The following ZNF592 variants were observed in gnomAD, a reference collection of about 807,000 sequenced individuals.
The protein encoded by ZNF592 is zinc finger protein 592, also known as spinocerebellar ataxia, autosomal recessive 5.
ZNF592 carries 11 observed loss-of-function variants against 80.3 expected under a neutral mutation model. The observed-to-expected ratio is 0.14, with a 90% confidence interval of 0.09 to 0.23. The LOEUF is 0.23. Among genes scored for constraint, ZNF592 ranks in the 10% least tolerant of loss-of-function variants. ZNF592 has a pLI of 1.00. For missense variants in ZNF592, 1,420 were observed against 1,633.9 expected (o/e 0.87, Z 2.26); for synonymous variants, 646 against 640.3 (o/e 1.01, Z -0.13).
rs374056264 is a variant in ZNF592, at chr15:84,784,856, T to C, written c.2181T>C (p.Ala727=). 1.4e-5 allele frequency: 23 copies of C among 1,614,138 alleles called. No homozygotes were observed. The African/African-American group carries it at 2.9e-4, about 21-fold the overall frequency. ...HKQMRDYMVL[A]AHFQRTTEET... ...AGATGCGGGACTACATGGTCCTGGCTGCACATTTCCAGAGGACAACAGAGG... is the reference window on the plus strand; with the variant it reads ...AGATGCGGGACTACATGGTCCTGGCCGCACATTTCCAGAGGACAACAGAGG... Residue 727 remains alanine, a synonymous_variant, in exon 4 of 11, where the codon GCT becomes GCC. Transcript: ENST00000560079. This position sits in a 1 kb window ranked among gnomAD's most constrained non-coding sequence, Gnocchi z 5.8.
In ZNF592 at chr15:84,782,644, G is replaced by T; in HGVS notation, c.-19-13G>T. 6.2e-7 allele frequency: 1 copy of T among 1,613,666 alleles called. No individual in the cohort carries two copies. The highest frequency in any genetic ancestry group is 1.3e-5 in the African/African-American group (1 of 75,008). On this transcript the variant is annotated splice_polypyrimidine_tract_variant and intron_variant, in intron 3 of 10. Coordinates refer to ENST00000560079, the MANE Select transcript of ZNF592 (RefSeq NM_014630.3). ...CTGGTGGTCACTGATTCTGTTTTCT[G>T]TTTCTGTTACAGCCCTTGCCAGCAT...
At chr15:84,758,313 C>T (rs183324219) in intron 1 of ZNF592, among the ~76,000 whole-genome samples, 15 of 151,024 alleles carry the variant, frequency 9.9e-5, no homozygotes, top group Admixed American at 4.0e-4. Flanking sequence ...GAGACCGTCT[C>T]GCTCTGTTGT....
intron 1 of ZNF592, among the ~76,000 whole-genome samples, chr15:84,750,689 T>G (rs1458699080): frequency 6.6e-6 from 1 of 152,118 alleles, no homozygotes; most frequent in Non-Finnish European, 1.5e-5. Flanking sequence ...GAGACCGATT[T>G]GAGTTGGGGG....
Position 84,799,142 on chromosome 15 carries a change from C to T in ZNF592, c.3069C>T (p.His1023=). ...GCCGGCAGTGTGAACAGTCCTTCCA[C>T]ACCCCCAACAGCCTGCGCAAACACA... ...YPCRQCEQSF[H]TPNSLRKHIR... is the part of the protein sequence containing the mutation. Residue 1023 remains histidine, a synonymous_variant, in exon 9 of 11, where the codon CAC becomes CAT. Coordinates refer to ENST00000560079, the MANE Select transcript of ZNF592 (RefSeq NM_014630.3). This position sits in a 1 kb window ranked among gnomAD's most constrained non-coding sequence, Gnocchi z 4.2. 1.2e-6 allele frequency: 2 copies of T among 1,614,186 alleles called. No individual in the cohort carries two copies. Among genetic ancestry groups the T allele is most frequent in the Non-Finnish European group, 1.7e-6 (2 of 1,180,018 alleles).
intron 5 of ZNF592, among the ~76,000 whole-genome samples, chr15:84,795,701 A>G (rs1262485166): frequency 3.3e-5 from 5 of 152,166 alleles, no homozygotes; most frequent in African/African-American, 1.2e-4. Context: ...AGTTGGTTTC[A>G]CTCTTCTGTT....
rs754444095 is a variant in ZNF592 at position 84,784,230 on chromosome 15, G to A, written c.1555G>A (p.Val519Met). The A allele has an allele frequency of 1.9e-6, 3 of 1,614,238 alleles. No individual in the cohort carries two copies. The highest frequency in any genetic ancestry group is 1.7e-6 in the Non-Finnish European group (2 of 1,180,052). Residue 519 changes from valine (V) to methionine (M), a missense_variant, in exon 4 of 11, where the codon GTG becomes ATG. By Grantham distance (21) the Val-to-Met change is conservative. Transcript: ENST00000560079. The surrounding 1 kb of genome is among the most constrained non-coding windows in gnomAD (Gnocchi z 5.8). ...NLVPHSVAASVTAKSSVQRRS... is the reference protein window; with the variant it reads ...NLVPHSVAASMTAKSSVQRRS... ...CGTCCCCCACAGTGTTGCTGCATCAGTGACAGCCAAGTCTTCAGTGCAAAG... is the reference window on the plus strand; with the variant it reads ...CGTCCCCCACAGTGTTGCTGCATCAATGACAGCCAAGTCTTCAGTGCAAAG...
rs766306044 is a variant in ZNF592 at position 84,806,212 on chromosome 15, C to T, written c.*3819C>T. 2 of 152,164 alleles carry T rather than the reference C, an allele frequency of 1.3e-5. No individual in the cohort carries two copies. Among genetic ancestry groups the T allele is most frequent in the African/African-American group, 2.4e-5 (1 of 41,434 alleles). The allele number at this position is 152,164 out of a possible 1,614,324, so 9.4% of individuals were successfully genotyped here. A position where few individuals can be genotyped will look rare whatever the true frequency, so the allele number is the denominator to read the frequency against. ...CCTTCTAGATTCTAGAATGTGTCCT[C>T]CTGACTAAGGGGTTCAGGATACTGT... is the stretch of plus-strand genomic sequence containing the variant. On this transcript the variant is annotated 3_prime_UTR_variant, in exon 11 of 11. Transcript: ENST00000560079.
intron 4 of ZNF592, among the ~76,000 whole-genome samples, chr15:84,786,003 A>C (rs1034978007): frequency 6.6e-6 from 1 of 152,096 alleles, no homozygotes; most frequent in African/African-American, 2.4e-5. Context: ...CCCACCCCTC[A>C]TGGTGCTTCC....
At position 84,798,598 on chromosome 15, in the gene ZNF592, G is replaced by A. The variant is rs1380786886; in HGVS notation, c.2747G>A (p.Gly916Asp). Reference sequence around the variant, plus strand: ...TCTCCCCATCCCCAGAGCACCCACGGTGTTCCCCGAAATGTGGACGAGCTG... The same window carrying A: ...TCTCCCCATCCCCAGAGCACCCACGATGTTCCCCGAAATGTGGACGAGCTG... The part of the protein sequence containing the change: ...ELMQHVKSTH[G>D]VPRNVDELSS... Residue 916 changes from glycine to aspartate, a missense_variant, in exon 8 of 11, where the codon GGT becomes GAT. Physicochemically the swap from Gly to Asp is moderately conservative, Grantham distance 94. Coordinates refer to ENST00000560079, the MANE Select transcript of ZNF592 (RefSeq NM_014630.3). This position sits in a 1 kb window ranked among gnomAD's most constrained non-coding sequence, Gnocchi z 4.5. The A allele has an allele frequency of 1.9e-6, 3 of 1,613,992 alleles. No individual in the cohort carries two copies. The highest frequency in any genetic ancestry group is 2.7e-5 in the African/African-American group (2 of 74,936).
At chr15:84,797,211 T>G (rs1349830387) in intron 5 of ZNF592, among the ~76,000 whole-genome samples, 2 of 152,216 alleles carry the variant, frequency 1.3e-5, no homozygotes, top group Non-Finnish European at 2.9e-5. Context: ...TCCACCCTCC[T>G]TGGCCTCCCC....
At chr15:84,774,919 T>G (rs997267303) in intron 2 of ZNF592, among the ~76,000 whole-genome samples, 2 of 151,944 alleles carry the variant, frequency 1.3e-5, no homozygotes, top group Non-Finnish European at 2.9e-5. Context: ...TAGCTGAGAT[T>G]ACAGGTGTAC....
At chr15:84,791,624 C>T (rs943380730) in intron 5 of ZNF592, among the ~76,000 whole-genome samples, 1 of 151,994 alleles carries the variant, frequency 6.6e-6, no homozygotes, top group Non-Finnish European at 1.5e-5. Flanking sequence ...GTGTTAGACA[C>T]TCAGGATACA....
intron 4 of ZNF592, among the ~76,000 whole-genome samples, chr15:84,788,983 G>A (rs1274157982): frequency 6.6e-6 from 1 of 151,884 alleles, no homozygotes; most frequent in Non-Finnish European, 1.5e-5. Flanking sequence ...GGCTAAGGTG[G>A]GTGGATCATT....
intron 1 of ZNF592, among the ~76,000 whole-genome samples, chr15:84,750,385 T>C (rs529998069): frequency 1.2e-3 from 182 of 152,326 alleles, no homozygotes; most frequent in African/African-American, 4.2e-3. Flanking sequence ...CTAGATGCAG[T>C]GAACAAAGAA....
intron 2 of ZNF592, among the ~76,000 whole-genome samples, chr15:84,770,186 G>A (rs557191628): frequency 1.1e-4 from 16 of 152,184 alleles, no homozygotes; most frequent in Non-Finnish European, 1.6e-4. Flanking sequence ...TGGAAGAATG[G>A]CATTGTCATT....
Position 84,804,053 on chromosome 15 carries a change from A to C in ZNF592, c.*1660A>C, listed in dbSNP as rs1057144823. On this transcript the variant is annotated 3_prime_UTR_variant, in exon 11 of 11. Coordinates refer to ENST00000560079, the MANE Select transcript of ZNF592 (RefSeq NM_014630.3). ...ATTTTTTCCCCTCTATCAAATGCCA[A>C]GTTTTTAGTGGAAATGCTAATGGCA... The C allele has an allele frequency of 1.3e-5, 2 of 152,212 alleles. No individual in the cohort carries two copies. Among genetic ancestry groups the C allele is most frequent in the Non-Finnish European group, 2.9e-5 (2 of 68,038 alleles). 9.4% of individuals were successfully genotyped at this position (152,212 alleles called of 1,614,324 possible).
chr15:84,774,607 C>T (rs1402374572), intron 2 of ZNF592, among the ~76,000 whole-genome samples: 1 of 152,050 alleles, frequency 6.6e-6, no homozygotes, highest in Non-Finnish European at 1.5e-5. Context: ...TACATGAAGA[C>T]ATATATACGG....
chr15:84,775,403 C>T (rs1455959736), intron 2 of ZNF592, among the ~76,000 whole-genome samples: 1 of 144,414 alleles, frequency 6.9e-6, no homozygotes, highest in Non-Finnish European at 1.6e-5. Flanking sequence ...GCTAATCATA[C>T]TGGGTGTTGT....
At chr15:84,770,120 G>T (rs1034256181) in intron 2 of ZNF592, among the ~76,000 whole-genome samples, 3 of 152,184 alleles carry the variant, frequency 2.0e-5, no homozygotes, top group African/African-American at 4.8e-5. Context: ...TTGACAGGAT[G>T]TGCTTGTGGA....
Sources: allele counts gnomAD v4.1 joint callset (sites outside exome capture counted in the v4.1 genomes callset), GRCh38; gene constraint gnomAD v4.1.1; non-coding constraint Gnocchi (gnomAD v3.1); transcripts MANE v1.5; gene names NCBI Gene and HGNC (gene_info 2026-07-23, HGNC 2026-07-21).